ERG: variants seen among roughly 807,000 people sequenced by gnomAD.
ERG encodes ETS transcription factor ERG.
In ERG, 9 loss-of-function variants were observed where a neutral mutation model predicts 55.3. That is an observed-to-expected ratio of 0.16 (90% CI 0.10 to 0.28). ERG has a LOEUF of 0.28. Among genes scored for constraint, ERG ranks in the 10% least tolerant of loss-of-function variants. The pLI, the probability that ERG is intolerant of heterozygous loss-of-function variation, is 1.00. For synonymous variants in ERG, 223 were observed against 237.3 expected (o/e 0.94, Z 0.55); for missense variants, 434 against 631.6 (o/e 0.69, Z 3.35).
At chr21:38,464,808 T>C (rs938717543) in intron 1 of ERG, among the ~76,000 whole-genome samples, 3 of 151,974 alleles carry the variant, frequency 2.0e-5, no homozygotes, top group Non-Finnish European at 2.9e-5. Context: ...AGTGAGAACA[T>C]GTGGTGTTTG....
chr21:38,615,118 C>T (rs950792422), intron 1 of ERG, among the ~76,000 whole-genome samples: 13 of 152,298 alleles, frequency 8.5e-5, no homozygotes, highest in African/African-American at 2.2e-4. Flanking sequence ...TTCTTAGAGA[C>T]ACTATTATTC....
chr21:38,528,609 G>A lies in ERG; in HGVS notation c.-41+47053C>T, dbSNP rs540547483. 8.4e-5 allele frequency among the ~76,000 whole-genome samples: 8 copies of A among 94,740 alleles called. 3 individuals are homozygous for A. The highest frequency in any genetic ancestry group is 3.4e-4 in the South Asian group (1 of 2,956). 62.2% of individuals were successfully genotyped at this position (94,740 alleles called of 152,430 possible). ...ACTACAGGCACCCGCCACTACGCCCGGCTAATTTTTTTGTATTTTTAGTAG... is the reference window on the plus strand; with the variant it reads ...ACTACAGGCACCCGCCACTACGCCCAGCTAATTTTTTTGTATTTTTAGTAG... On this transcript the variant is annotated intron_variant, in intron 2 of 8. Transcript: ENST00000398897.
At chr21:38,500,872 T>G (rs530086152), upstream of ERG, among the ~76,000 whole-genome samples, 1 of 152,272 alleles carries the variant, frequency 6.6e-6, no homozygotes, top group African/African-American at 2.4e-5. Flanking sequence ...TAAATTCTGT[T>G]CCAAAATTTT....
chr21:38,499,712 A>C (rs2059406572), upstream of ERG, among the ~76,000 whole-genome samples: 1 of 151,544 alleles, frequency 6.6e-6, no homozygotes, highest in African/African-American at 2.4e-5. Flanking sequence ...AAGGAGGAGA[A>C]GGAGAAAGAT....
At chr21:38,480,854 A>G (rs1257224852) in intron 1 of ERG, among the ~76,000 whole-genome samples, 2 of 152,070 alleles carry the variant, frequency 1.3e-5, no homozygotes, top group East Asian at 3.9e-4. Context: ...ATCACTTGGG[A>G]GGTGTTTTGA....
intron 2 of ERG, among the ~76,000 whole-genome samples, chr21:38,521,358 C>T (rs773720444): frequency 4.6e-5 from 7 of 152,164 alleles, no homozygotes; most frequent in Non-Finnish European, 7.3e-5. Context: ...AGAGAAGTTA[C>T]GTCTCTTGCC....
intron 1 of ERG, among the ~76,000 whole-genome samples, chr21:38,581,283 T>C (rs138735551): frequency 6.6e-6 from 1 of 152,306 alleles, no homozygotes; most frequent in East Asian, 1.9e-4. Flanking sequence ...GGAAATCAGA[T>C]CTGCCACTTA....
intron 1 of ERG, among the ~76,000 whole-genome samples, chr21:38,608,335 T>A (rs558661184): frequency 7.9e-5 from 12 of 152,196 alleles, no homozygotes; most frequent in Non-Finnish European, 1.8e-4. Flanking sequence ...CAGGACAAGT[T>A]AGACTTTAGG....
At chr21:38,448,911 TCTTTAA>T (rs1480967011) in intron 1 of ERG, 2 of 152,224 alleles carry the variant, frequency 1.3e-5, no homozygotes, top group Non-Finnish European at 2.9e-5. Context: ...CCACATGAGT[TCTTTAA>T]CTCCAGCTCT....
intron 2 of ERG, among the ~76,000 whole-genome samples, chr21:38,515,096 A>G (rs1343436669): frequency 6.6e-6 from 1 of 152,008 alleles, no homozygotes; most frequent in Admixed American, 6.5e-5. Flanking sequence ...AAATAAATGG[A>G]TAGATATATT....
intron 1 of ERG, among the ~76,000 whole-genome samples, chr21:38,602,903 G>C (rs7281963): frequency 6.6e-6 from 1 of 151,832 alleles, no homozygotes; most frequent in African/African-American, 2.4e-5. Flanking sequence ...CTTCTGAGAA[G>C]TGAAGGGCAA....
At chr21:38,445,368 G>A in intron 2 of ERG, 36 bp downstream of exon 2, 2 of 1,533,638 alleles carry the variant, frequency 1.3e-6, no homozygotes, top group Non-Finnish European at 1.8e-6. Flanking sequence ...AGGAAAATGG[G>A]AGGTCAGGGA....
At chr21:38,605,998 ATGAT>A (rs1447595010) in intron 1 of ERG, among the ~76,000 whole-genome samples, 1 of 152,218 alleles carries the variant, frequency 6.6e-6, no homozygotes, top group East Asian at 1.9e-4. Context: ...AGATACATAG[ATGAT>A]TGATAAGTAG....
At chr21:38,608,267 T>C (rs1394192951) in intron 1 of ERG, among the ~76,000 whole-genome samples, 1 of 152,036 alleles carries the variant, frequency 6.6e-6, no homozygotes, top group Non-Finnish European at 1.5e-5. Flanking sequence ...TGATATAACA[T>C]ACCAAAAAAG....
intron 3 of ERG, among the ~76,000 whole-genome samples, chr21:38,406,041 G>C (rs1380234303): frequency 1.3e-5 from 2 of 151,570 alleles, no homozygotes; most frequent in Non-Finnish European, 2.9e-5. Flanking sequence ...TGTAGTCTCA[G>C]CTACTTGGGA....
chr21:38,646,240 C>T (rs1357362948), intron 1 of ERG, among the ~76,000 whole-genome samples: 1 of 148,186 alleles, frequency 6.7e-6, no homozygotes, highest in African/African-American at 2.5e-5. Flanking sequence ...AAGATGGCAC[C>T]ACTGCACTCC....
intron 2 of ERG, among the ~76,000 whole-genome samples, chr21:38,525,963 T>A (rs373939393): frequency 1.1e-4 from 17 of 152,272 alleles, no homozygotes; most frequent in South Asian, 4.1e-4. Flanking sequence ...TTAAAAAAAA[T>A]AATAATAATA....
At chr21:38,556,579 C>T (rs1432782655) in intron 2 of ERG, among the ~76,000 whole-genome samples, 2 of 152,126 alleles carry the variant, frequency 1.3e-5, no homozygotes, top group Non-Finnish European at 2.9e-5. Flanking sequence ...ATTTACCAGC[C>T]TCCTTTGCAG....
chr21:38,452,310 AATAC>A (rs1196588400), intron 1 of ERG, among the ~76,000 whole-genome samples: 9 of 152,186 alleles, frequency 5.9e-5, no homozygotes, highest in African/African-American at 1.7e-4. Context: ...CATGCATGCA[AATAC>A]ATACATGCGC....
Sources: allele counts gnomAD v4.1 joint callset (sites outside exome capture counted in the v4.1 genomes callset), GRCh38; gene constraint gnomAD v4.1.1; transcripts MANE v1.5; gene names NCBI Gene and HGNC (gene_info 2026-07-23, HGNC 2026-07-21).